The following RIC3 variants were observed in gnomAD, a reference collection of about 807,000 sequenced individuals.
RIC3 encodes RIC3 acetylcholine receptor chaperone.
A neutral mutation model predicts 27.3 loss-of-function variants in RIC3; 28 were observed. That is an observed-to-expected ratio of 1.02 (90% CI 0.76 to 1.41). The LOEUF (loss-of-function observed/expected upper bound fraction) is 1.41, where lower values mean the gene tolerates loss of function less well. Ranked by LOEUF, RIC3 falls within the 40% of genes most tolerant of loss-of-function variation. The pLI is 0.00. For missense variants in RIC3, 501 were observed against 444.7 expected, an observed-to-expected ratio of 1.13 and a Z score of -1.14; for synonymous variants, 184 against 160.4, an observed-to-expected ratio of 1.15 and a Z score of -1.11.
intron 5 of RIC3, among the ~76,000 whole-genome samples, chr11:8,112,384 C>T (rs1945379548): frequency 6.6e-6 from 1 of 151,558 alleles, no homozygotes; most frequent in South Asian, 2.1e-4. Flanking sequence ...ACCTCTGCCT[C>T]CCCGATTCAA....
At chr11:8,141,439 T>C (rs1949056934) in intron 1 of RIC3, among the ~76,000 whole-genome samples, 1 of 152,144 alleles carries the variant, frequency 6.6e-6, no homozygotes, top group South Asian at 2.1e-4. Context: ...AGAAGGCCAT[T>C]ACATAATGGT....
chr11:8,158,614 A>T (rs921641786), intron 1 of RIC3, among the ~76,000 whole-genome samples: 6 of 151,296 alleles, frequency 4.0e-5, no homozygotes, highest in Non-Finnish European at 8.8e-5. Flanking sequence ...TACTCTGATC[A>T]AAGAAGAAGC....
At chr11:8,094,192 C>G in the RIC3 span, 3 of 1,610,016 alleles carry the variant, frequency 1.9e-6, no homozygotes, top group African/African-American at 2.7e-5. Flanking sequence ...GCACAAAGGT[C>G]AGCTCACATT....
chr11:8,097,175 T>C, the RIC3 span: 2 of 1,595,242 alleles, frequency 1.3e-6, no homozygotes, highest in African/African-American at 1.3e-5. Context: ...AGACCACCAA[T>C]TTGGGCTGCT....
chr11:8,100,669 G>T, the RIC3 span: 1 of 1,557,436 alleles, frequency 6.4e-7, no homozygotes, highest in Non-Finnish European at 8.8e-7. Context: ...TCTAAGGGCA[G>T]AACTCCAGCT....
the RIC3 span, chr11:8,097,434 G>C: frequency 6.2e-7 from 1 of 1,614,218 alleles, no homozygotes; most frequent in Non-Finnish European, 8.5e-7. Flanking sequence ...AGGTAAGGTT[G>C]GTCTGGGCAT....
At chr11:8,097,107 C>T in the RIC3 span, 3 of 1,154,642 alleles carry the variant, frequency 2.6e-6, no homozygotes, top group Non-Finnish European at 3.7e-6. Context: ...GGCCAGGCCC[C>T]AATCCCAGGA....
At chr11:8,145,305 C>G (rs553719307) in intron 1 of RIC3, among the ~76,000 whole-genome samples, 1 of 150,720 alleles carries the variant, frequency 6.6e-6, no homozygotes, top group Non-Finnish European at 1.5e-5. Flanking sequence ...CATTCTAGCT[C>G]AATCTCTCTC....
chr11:8,145,963 G>A (rs951501178), intron 1 of RIC3, among the ~76,000 whole-genome samples: 76 of 152,172 alleles, frequency 5.0e-4, no homozygotes, highest in Admixed American at 5.0e-3. Context: ...TCTGCCTAGT[G>A]ATCTGGCTGT....
intron 5 of RIC3, among the ~76,000 whole-genome samples, chr11:8,114,748 ATAAC>A (rs1945661603): frequency 6.6e-6 from 1 of 152,120 alleles, no homozygotes; most frequent in Non-Finnish European, 1.5e-5. Context: ...AAAACAATAA[ATAAC>A]TAAAACAAAA....
intron 4 of RIC3, among the ~76,000 whole-genome samples, chr11:8,127,778 C>G (rs11041755): frequency 0.042 from 6,415 of 152,266 alleles, 162 homozygotes; most frequent in Middle Eastern, 0.078. Context: ...AAATGATGTA[C>G]TATGTACTAG....
intron 5 of RIC3, among the ~76,000 whole-genome samples, chr11:8,119,210 C>A (rs112990935): frequency 6.6e-6 from 1 of 152,256 alleles, no homozygotes; most frequent in African/African-American, 2.4e-5. Context: ...TCCACACATT[C>A]GTACACGCTC....
At chr11:8,166,154 C>G (rs1951677951) in intron 1 of RIC3, among the ~76,000 whole-genome samples, 2 of 152,126 alleles carry the variant, frequency 1.3e-5, no homozygotes, top group Non-Finnish European at 2.9e-5. Context: ...GTTCCCTGCG[C>G]AGACTTGAGT....
chr11:8,168,819 G>A (rs1952004095), intron 1 of RIC3, 47 bp downstream of exon 1: 1 of 1,582,702 alleles, frequency 6.3e-7, no homozygotes, highest in Non-Finnish European at 8.6e-7. Flanking sequence ...AGCGTTCTCC[G>A]TACTCTTCGG....
At chr11:8,132,821 T>C (rs1037192539) in intron 4 of RIC3, among the ~76,000 whole-genome samples, 1 of 152,196 alleles carries the variant, frequency 6.6e-6, no homozygotes, top group Non-Finnish European at 1.5e-5. Context: ...AATTTTGATC[T>C]GACAGAACAA....
At position 8,109,229 on chromosome 11, in the gene RIC3, A is replaced by G. The variant is rs1043525038; in HGVS notation, c.*1469T>C. The G allele has an allele frequency of 3.3e-5, 5 of 152,218 alleles. No individual in the cohort carries two copies. Among genetic ancestry groups the G allele is most frequent in the African/African-American group, 1.2e-4 (5 of 41,456 alleles). The allele number at this position is 152,218 out of a possible 1,614,324, so 9.4% of individuals were successfully genotyped here. A position where few individuals can be genotyped will look rare whatever the true frequency, so the allele number is the denominator to read the frequency against. On this transcript the variant is annotated 3_prime_UTR_variant, in exon 6 of 6. Coordinates refer to ENST00000309737, the MANE Select transcript of RIC3 (RefSeq NM_001206671.4). ...TTTTAAACTGTTTTCCTGGCACCTT[A>G]TTCATGCCAAGCATAATGTAACTCT...
downstream of RIC3, chr11:8,101,416 G>T (rs975987460): frequency 1.9e-5 from 30 of 1,593,554 alleles, no homozygotes; most frequent in Middle Eastern, 1.7e-4. Flanking sequence ...TTGGGTGTCT[G>T]TCTATCCTTC....
At chr11:8,105,850 A>AGAGT (rs768798848), downstream of RIC3, 2 of 152,148 alleles carry the variant, frequency 1.3e-5, no homozygotes, top group African/African-American at 2.4e-5. Flanking sequence ...GCTGAGATCC[A>AGAGT]GAGTTTCCTA....
chr11:8,106,461 TGG>T lies in RIC3; in HGVS notation c.*4235_*4236del, dbSNP rs1342965472. On this transcript the variant is annotated 3_prime_UTR_variant, in exon 6 of 6. Transcript: ENST00000309737. ...GTTCATCAGAACCACACCCAGAGGCTGGAAAAATGGTGAAGTCAGAAGGTACT... is the reference window on the plus strand; with the variant it reads ...GTTCATCAGAACCACACCCAGAGGCTAAAAATGGTGAAGTCAGAAGGTACT... 1 of 152,230 alleles carries T rather than the reference TGG, an allele frequency of 6.6e-6. No individual in the cohort carries two copies. Among genetic ancestry groups the T allele is most frequent in the African/African-American group, 2.4e-5 (1 of 41,448 alleles). 9.4% of individuals were successfully genotyped at this position (152,230 alleles called of 1,614,324 possible).
Sources: allele counts gnomAD v4.1 joint callset (sites outside exome capture counted in the v4.1 genomes callset), GRCh38; gene constraint gnomAD v4.1.1; transcripts MANE v1.5; gene names NCBI Gene and HGNC (gene_info 2026-07-23, HGNC 2026-07-21).